Variants in CTIF observed in about 807,000 individuals in gnomAD.
The protein encoded by CTIF is cap binding complex dependent translation initiation factor.
A neutral mutation model predicts 66.0 loss-of-function variants in CTIF; 21 were observed. The ratio of observed to expected loss-of-function variants is 0.32; its 90% CI spans 0.23 to 0.46. CTIF has a LOEUF of 0.46. Among genes scored for constraint, CTIF ranks in the 20% least tolerant of loss-of-function variants. The pLI, the probability that CTIF is intolerant of heterozygous loss-of-function variation, is 1.00. For synonymous variants in CTIF, 345 were observed against 326.4 expected, an observed-to-expected ratio of 1.06 and a Z score of -0.62; for missense variants, 739 against 812.7, an observed-to-expected ratio of 0.91 and a Z score of 1.10.
At chr18:48,669,767 C>G (rs867071685) in intron 5 of CTIF, among the ~76,000 whole-genome samples, 1 of 122,388 alleles carries the variant, frequency 8.2e-6, no homozygotes, top group African/African-American at 2.9e-5. Flanking sequence ...TACACACACA[C>G]ATTTATAAAC....
At chr18:48,787,315 GAAGA>G (rs1324865828) in intron 9 of CTIF, among the ~76,000 whole-genome samples, 2 of 152,108 alleles carry the variant, frequency 1.3e-5, no homozygotes, top group South Asian at 2.1e-4. Flanking sequence ...GAAAGGGAAG[GAAGA>G]AAGAAAGACA....
At chr18:48,596,771 T>TCC (rs2089995109) in intron 1 of CTIF, among the ~76,000 whole-genome samples, 1 of 151,782 alleles carries the variant, frequency 6.6e-6, no homozygotes, top group African/African-American at 2.4e-5. Flanking sequence ...CCACCGCACA[T>TCC]GTCTGGAATC....
At chr18:48,698,815 C>T (rs1489150935) in intron 6 of CTIF, among the ~76,000 whole-genome samples, 1 of 152,094 alleles carries the variant, frequency 6.6e-6, no homozygotes, top group Non-Finnish European at 1.5e-5. Context: ...TTTGAATGAC[C>T]TTGGTGTTTT....
chr18:48,808,382 A>G (rs2068193593), intron 9 of CTIF, among the ~76,000 whole-genome samples: 1 of 152,042 alleles, frequency 6.6e-6, no homozygotes, highest in South Asian at 2.1e-4. Context: ...TGTCACATTT[A>G]TTGCGTGTAT....
intron 2 of CTIF, among the ~76,000 whole-genome samples, chr18:48,624,082 C>T (rs2090549105): frequency 1.4e-5 from 2 of 145,242 alleles, no homozygotes; most frequent in South Asian, 4.6e-4. Context: ...CCATGTTTGA[C>T]ACCACGCCCC....
rs113042326 is a variant in CTIF, at chr18:48,804,632, G to A, written c.1372-12589G>A. Among the ~76,000 whole-genome samples the A allele has an allele frequency of 7.2e-5, 11 of 152,324 alleles. No homozygotes were observed. The South Asian group carries it at 1.9e-3, about 26-fold the overall frequency. On this transcript the variant is annotated intron_variant, in intron 9 of 11. Transcript: ENST00000256413. The stretch of plus-strand genomic sequence containing the variant: ...TCAGCACCTACTTTGCACCAGATAC[G>A]TTGCACATGTTACTCATTTAAGCCA...
At chr18:48,842,139 C>T (rs1346262213) in intron 10 of CTIF, among the ~76,000 whole-genome samples, 3 of 152,076 alleles carry the variant, frequency 2.0e-5, no homozygotes, top group Non-Finnish European at 2.9e-5. Flanking sequence ...TGGCTGTTTT[C>T]GAAGCTCCTG....
At chr18:48,852,622 G>A (rs1020277502) in intron 10 of CTIF, among the ~76,000 whole-genome samples, 20 of 152,346 alleles carry the variant, frequency 1.3e-4, no homozygotes, top group African/African-American at 7.2e-5. Context: ...ACCCCAGTGC[G>A]GGAGAGGGGT....
chr18:48,771,057 T>C (rs1910067563), intron 9 of CTIF, among the ~76,000 whole-genome samples: 1 of 152,188 alleles, frequency 6.6e-6, no homozygotes, highest in Non-Finnish European at 1.5e-5. Flanking sequence ...TTTTAGACTA[T>C]TGTCTTCCTG....
chr18:48,601,077 C>A (rs908821404), intron 1 of CTIF, among the ~76,000 whole-genome samples: 1 of 152,108 alleles, frequency 6.6e-6, no homozygotes, highest in African/African-American at 2.4e-5. Flanking sequence ...GTCTGGCCTG[C>A]GGAGAAGGGT....
intron 1 of CTIF, among the ~76,000 whole-genome samples, chr18:48,617,415 C>A (rs1489990696): frequency 6.6e-6 from 1 of 152,218 alleles, no homozygotes; most frequent in Non-Finnish European, 1.5e-5. Context: ...AATCCCTTCC[C>A]AAGGGTATCT....
At chr18:48,785,556 G>A (rs571719503) in intron 9 of CTIF, among the ~76,000 whole-genome samples, 1 of 151,948 alleles carries the variant, frequency 6.6e-6, no homozygotes, top group African/African-American at 2.4e-5. Context: ...GCTGGACCCA[G>A]CCACAAGACC....
chr18:48,685,409 G>T (rs947972142), intron 6 of CTIF, among the ~76,000 whole-genome samples: 20 of 151,918 alleles, frequency 1.3e-4, no homozygotes, highest in African/African-American at 4.8e-4. Flanking sequence ...TTTTGGTAGA[G>T]ACGGGGTTTC....
At chr18:48,598,838 A>G (rs2090035491) in intron 1 of CTIF, among the ~76,000 whole-genome samples, 1 of 152,204 alleles carries the variant, frequency 6.6e-6, no homozygotes, top group South Asian at 2.1e-4. Context: ...GAGACCCAGA[A>G]CGGAGACACT....
At chr18:48,560,536 T>G (rs1354770525) in intron 1 of CTIF, among the ~76,000 whole-genome samples, 1 of 151,948 alleles carries the variant, frequency 6.6e-6, no homozygotes, top group Non-Finnish European at 1.5e-5. Context: ...GGAGGCTGTT[T>G]TAACCATAAC....
chr18:48,755,312 G>A (rs779214932), intron 7 of CTIF, among the ~76,000 whole-genome samples: 15 of 152,240 alleles, frequency 9.9e-5, no homozygotes, highest in Non-Finnish European at 1.9e-4. Flanking sequence ...TCACAGGCAC[G>A]AGGCACCCTG....
chr18:48,624,077 TTTGACACCACGCCCCTCCCCATGC>T (rs2090549030), intron 2 of CTIF, among the ~76,000 whole-genome samples: 5 of 107,752 alleles, frequency 4.6e-5, no homozygotes, highest in East Asian at 3.0e-4. Flanking sequence ...CCTCCCCATG[TTTGACACCACGCCCCTCCCCATGC>T]TTGACACCAC....
At chr18:48,625,998 TTC>T (rs1202307926) in intron 2 of CTIF, among the ~76,000 whole-genome samples, 27 of 134,990 alleles carry the variant, frequency 2.0e-4, no homozygotes, top group African/African-American at 7.7e-4. Flanking sequence ...TTCTTTTTCT[TTC>T]TTTTTTTTTT....
intron 7 of CTIF, among the ~76,000 whole-genome samples, chr18:48,752,968 A>G (rs1907983423): frequency 6.6e-6 from 1 of 152,048 alleles, no homozygotes; most frequent in Non-Finnish European, 1.5e-5. Context: ...GTGTGTGGCG[A>G]CTTTTGTTCC....
Sources: gnomAD v4.1 joint callset for allele counts (sites outside exome capture counted in the v4.1 genomes callset) on GRCh38, gnomAD v4.1.1 for gene constraint, MANE v1.5 for transcripts, NCBI Gene and HGNC (gene_info 2026-07-23, HGNC 2026-07-21) for gene names.